The following SSBP3 variants were observed in gnomAD, a reference collection of about 807,000 sequenced individuals.
SSBP3 encodes single-stranded DNA-binding protein 3.
In SSBP3, 5 loss-of-function variants were observed where a neutral mutation model predicts 69.6. The observed-to-expected ratio is 0.07, with a 90% CI of 0.04 to 0.15. SSBP3 has a LOEUF of 0.15. SSBP3 is among the 10% of genes least tolerant of loss of function. The pLI is 1.00. For synonymous variants in SSBP3, 196 were observed against 193.4 expected (o/e 1.01, Z -0.11); for missense variants, 312 against 534.0 (o/e 0.58, Z 4.10).
intron 4 of SSBP3, among the ~76,000 whole-genome samples, chr1:54,308,414 A>C (rs1321000963): frequency 6.6e-6 from 1 of 152,104 alleles, no homozygotes; most frequent in Non-Finnish European, 1.5e-5. Context: ...ATCCTGGCTA[A>C]CATGGTGAAA....
chr1:54,405,760 C>T (rs537981740), intron 1 of SSBP3, among the ~76,000 whole-genome samples, 193 bp downstream of exon 1: 4 of 151,176 alleles, frequency 2.6e-5, no homozygotes, highest in Non-Finnish European at 4.4e-5. Context: ...CAACCTCCGC[C>T]GGCTCCCAAC....
At chr1:54,355,834 C>CCGCA (rs1491299485) in intron 4 of SSBP3, among the ~76,000 whole-genome samples, 1 of 152,192 alleles carries the variant, frequency 6.6e-6, no homozygotes, top group East Asian at 1.9e-4. Context: ...TCCACACCTC[C>CCGCA]CGCTTTGTGC....
At chr1:54,267,756 T>C (rs1035028903) in intron 5 of SSBP3, among the ~76,000 whole-genome samples, 20 of 152,130 alleles carry the variant, frequency 1.3e-4, no homozygotes, top group African/African-American at 4.6e-4. Flanking sequence ...GAATCACATA[T>C]CTATTCTGTT....
chr1:54,358,319 C>T lies in SSBP3; in HGVS notation c.276+43542G>A, dbSNP rs115048222. Among the ~76,000 whole-genome samples, 13 of 152,284 alleles carry T rather than the reference C, an allele frequency of 8.5e-5. No homozygotes were observed. In the East Asian group the frequency reaches 1.5e-3, roughly 18 times the overall value. ...GCAACAGACCCTCAGTATTTAGATACGGTGGACTCTTGGGGGCTTATCAGG... is the reference window on the plus strand; with the variant it reads ...GCAACAGACCCTCAGTATTTAGATATGGTGGACTCTTGGGGGCTTATCAGG... On this transcript the variant is annotated intron_variant, in intron 4 of 17. Coordinates refer to ENST00000610401, the Ensembl canonical transcript of SSBP3.
chr1:54,324,431 C>A (rs531667037), intron 4 of SSBP3, among the ~76,000 whole-genome samples: 9 of 151,924 alleles, frequency 5.9e-5, no homozygotes, highest in Non-Finnish European at 1.0e-4. Context: ...CACCCCCACA[C>A]CCCTACAGAA....
At position 54,316,160 on chromosome 1, in the gene SSBP3, C is replaced by A. The variant is rs985037217; in HGVS notation, c.277-34633G>T. Reference sequence around the variant, plus strand: ...AAGATCAAGACCATCCTGGCTAGCACACAGTGAAACCCCAACTCTATTAAA... The same window carrying A: ...AAGATCAAGACCATCCTGGCTAGCAAACAGTGAAACCCCAACTCTATTAAA... On this transcript the variant is annotated intron_variant, in intron 4 of 17. Coordinates refer to ENST00000610401, the Ensembl canonical transcript of SSBP3. Among the ~76,000 whole-genome samples, 5 of 143,406 alleles carry A rather than the reference C, an allele frequency of 3.5e-5. No individual in the cohort carries two copies. In the East Asian group the frequency reaches 8.6e-4, roughly 25 times the overall value. The allele number at this position is 143,406 out of a possible 152,430, so 94.1% of individuals were successfully genotyped here. A position where few individuals can be genotyped will look rare whatever the true frequency, so the allele number is the denominator to read the frequency against.
In SSBP3 at chr1:54,391,859, C is replaced by CG. The variant is rs760312822; in HGVS notation, c.276+10001dup. Among the ~76,000 whole-genome samples the CG allele has an allele frequency of 1.4e-3, 210 of 152,214 alleles. 1 individual carries two copies. Among genetic ancestry groups the CG allele is most frequent in the Non-Finnish European group, 2.5e-3 (169 of 68,000 alleles). ...AAGCCCTGTTCAGACGCAAGCTCCA[C>CG]GGGGGGCAAGGAACCCCCTCCACCC... On this transcript the variant is annotated intron_variant, in intron 4 of 17. Transcript: ENST00000610401.
exon 8 of SSBP3, chr1:54,251,853 C>G (rs1287812382): frequency 3.1e-6 from 5 of 1,611,458 alleles, no homozygotes; most frequent in Non-Finnish European, 4.2e-6. Flanking sequence ...AGGAACTCCT[C>G]CCGGAGGCTG....
At chr1:54,393,902 G>A (rs1314861188) in intron 4 of SSBP3, among the ~76,000 whole-genome samples, 1 of 152,138 alleles carries the variant, frequency 6.6e-6, no homozygotes, top group Non-Finnish European at 1.5e-5. Context: ...TGGGACTACA[G>A]GCGCCCACCA....
chr1:54,266,430 G>A (rs1189829230), intron 5 of SSBP3, among the ~76,000 whole-genome samples: 1 of 152,162 alleles, frequency 6.6e-6, no homozygotes, highest in Non-Finnish European at 1.5e-5. Context: ...TTGGAACAGA[G>A]CCACACTCAC....
At chr1:54,384,713 T>G (rs1215154761) in intron 4 of SSBP3, among the ~76,000 whole-genome samples, 2 of 152,194 alleles carry the variant, frequency 1.3e-5, no homozygotes, top group African/African-American at 2.4e-5. Context: ...AGGCTTCACA[T>G]TCCACCCTAA....
At chr1:54,369,931 G>A (rs1557571214) in intron 4 of SSBP3, among the ~76,000 whole-genome samples, 1 of 152,118 alleles carries the variant, frequency 6.6e-6, no homozygotes, top group Non-Finnish European at 1.5e-5. Context: ...AGCTTTGTGT[G>A]ATATGAAAAA....
chr1:54,399,668 G>A (rs1557594055), intron 4 of SSBP3, among the ~76,000 whole-genome samples: 1 of 145,218 alleles, frequency 6.9e-6, no homozygotes, highest in African/African-American at 2.5e-5. Flanking sequence ...CAAGAGGAAG[G>A]AGTCAGCAAG....
intron 4 of SSBP3, among the ~76,000 whole-genome samples, chr1:54,304,348 A>G (rs1210859598): frequency 6.7e-6 from 1 of 149,492 alleles, no homozygotes; most frequent in East Asian, 2.0e-4. Flanking sequence ...GTGTCCTTCC[A>G]GAACATGACA....
chr1:54,256,640 C>T (rs1260586934), intron 7 of SSBP3, among the ~76,000 whole-genome samples: 1 of 152,226 alleles, frequency 6.6e-6, no homozygotes, highest in Non-Finnish European at 1.5e-5. Context: ...TCCTGCTCTG[C>T]TGCATCCAGG....
intron 4 of SSBP3, among the ~76,000 whole-genome samples, chr1:54,346,583 G>A (rs1036546694): frequency 2.0e-5 from 3 of 152,104 alleles, no homozygotes; most frequent in Admixed American, 6.5e-5. Context: ...GGGAGGCCAA[G>A]GCGGGTGGAT....
At chr1:54,302,470 C>A (rs1645820578) in intron 4 of SSBP3, among the ~76,000 whole-genome samples, 1 of 152,154 alleles carries the variant, frequency 6.6e-6, no homozygotes, top group African/African-American at 2.4e-5. Context: ...CACCACCACA[C>A]CTGGCTAATT....
At chr1:54,310,577 C>T (rs1645983922) in intron 4 of SSBP3, among the ~76,000 whole-genome samples, 1 of 152,158 alleles carries the variant, frequency 6.6e-6, no homozygotes, top group African/African-American at 2.4e-5. Context: ...TCCCAACACA[C>T]CCCAACCCAC....
chr1:54,339,237 A>G (rs1023688608), intron 4 of SSBP3, among the ~76,000 whole-genome samples: 4 of 152,252 alleles, frequency 2.6e-5, no homozygotes, highest in African/African-American at 9.6e-5. Flanking sequence ...GTTACTAGGA[A>G]TGTTAAGGAT....
Sources: allele counts gnomAD v4.1 joint callset (sites outside exome capture counted in the v4.1 genomes callset), GRCh38; gene constraint gnomAD v4.1.1; transcripts MANE v1.5; gene names NCBI Gene and HGNC (gene_info 2026-07-23, HGNC 2026-07-21).